Variants in SPRED1 observed in about 807,000 individuals in gnomAD.
SPRED1 encodes the protein sprouty related EVH1 domain containing 1, also known as sprouty-related, EVH1 domain-containing protein 1.
In SPRED1, 18 loss-of-function variants were observed where a neutral mutation model predicts 52.3. The observed-to-expected ratio is 0.34, with a 90% confidence interval of 0.24 to 0.51. The LOEUF (loss-of-function observed/expected upper bound fraction) is 0.51. SPRED1 is among the 20% of genes least tolerant of loss of function. SPRED1 has a pLI of 0.97. For missense variants in SPRED1, 485 were observed against 551.0 expected (o/e 0.88, Z 1.20); for synonymous variants, 155 against 179.7 (o/e 0.86, Z 1.10).
chr15:38,256,692 A>C (rs549661947), intron 1 of SPRED1, among the ~76,000 whole-genome samples: 2 of 152,284 alleles, frequency 1.3e-5, no homozygotes, highest in South Asian at 4.1e-4. Flanking sequence ...ATAGAAAGCA[A>C]ATTTTTATGG....
intron 1 of SPRED1, among the ~76,000 whole-genome samples, 189 bp from the exon 2 acceptor site, chr15:38,299,184 C>T (rs1253864525): frequency 2.0e-5 from 3 of 152,064 alleles, no homozygotes; most frequent in Non-Finnish European, 4.4e-5. Flanking sequence ...TAAAGGACAA[C>T]CTTAAAGTCT....
intron 1 of SPRED1, chr15:38,283,679 C>T (rs2140966697): frequency 5.1e-6 from 1 of 196,326 alleles, no homozygotes; most frequent in African/African-American, 2.4e-5. Context: ...TTTCCAGTCA[C>T]AGCAGAACTA....
At chr15:38,321,321 A>T (rs368119145) in intron 2 of SPRED1, among the ~76,000 whole-genome samples, 1 of 152,268 alleles carries the variant, frequency 6.6e-6, no homozygotes, top group South Asian at 2.1e-4. Context: ...TCAAAATAAA[A>T]AATTTAAAAA....
chr15:38,348,105 G>A (rs1021392972), intron 5 of SPRED1, among the ~76,000 whole-genome samples: 4 of 151,922 alleles, frequency 2.6e-5, no homozygotes, highest in African/African-American at 7.2e-5. Context: ...ATAGTTCTTA[G>A]AAATGTATAT....
At chr15:38,343,531 G>C (rs2177247) in intron 5 of SPRED1, among the ~76,000 whole-genome samples, 124,732 of 151,578 alleles carry the variant, frequency 0.82, 52,120 homozygotes, top group Non-Finnish European at 0.9. Context: ...TAACGAAATT[G>C]AAACTTGATT....
In SPRED1 at chr15:38,356,031, C is replaced by G. The variant is rs1888612207; in HGVS notation, c.*4367C>G. The G allele has an allele frequency of 6.6e-6, 1 of 152,114 alleles. No homozygotes were observed. Among genetic ancestry groups the G allele is most frequent in the Middle Eastern group, 3.2e-3 (1 of 316 alleles). 9.4% of individuals were successfully genotyped at this position (152,114 alleles called of 1,614,324 possible). A position where few individuals can be genotyped will look rare whatever the true frequency, so the allele number is the denominator to read the frequency against. On this transcript the variant is annotated 3_prime_UTR_variant, in exon 7 of 7. Coordinates refer to ENST00000299084, the MANE Select transcript of SPRED1 (RefSeq NM_152594.3). Reference sequence around the variant, plus strand: ...CACTGATAAATGTTAGCCATTATTCCTGAAAGCTTCTTAAATTGCATCAGT... The same window carrying G: ...CACTGATAAATGTTAGCCATTATTCGTGAAAGCTTCTTAAATTGCATCAGT...
intron 2 of SPRED1, among the ~76,000 whole-genome samples, chr15:38,306,923 G>A (rs1895261615): frequency 6.6e-6 from 1 of 152,044 alleles, no homozygotes; most frequent in Admixed American, 6.6e-5. Flanking sequence ...TGTAGTTACT[G>A]CTTTTCACTG....
chr15:38,350,839 G>T (rs992984515), intron 6 of SPRED1, among the ~76,000 whole-genome samples, 175 bp from the exon 7 acceptor site: 6 of 152,086 alleles, frequency 3.9e-5, no homozygotes, highest in African/African-American at 1.4e-4. Flanking sequence ...ACCACAGAAG[G>T]TACTGTGCTT....
intron 1 of SPRED1, among the ~76,000 whole-genome samples, chr15:38,287,773 A>G (rs1222404852): frequency 6.6e-6 from 1 of 152,178 alleles, no homozygotes; most frequent in Non-Finnish European, 1.5e-5. Context: ...GTATGCAAGT[A>G]TTTTGCCATT....
intron 1 of SPRED1, among the ~76,000 whole-genome samples, chr15:38,297,778 G>C (rs974876495): frequency 2.0e-5 from 3 of 152,152 alleles, no homozygotes; most frequent in African/African-American, 7.2e-5. Flanking sequence ...CTCATATAGT[G>C]CTTGTTATGT....
intron 5 of SPRED1, among the ~76,000 whole-genome samples, chr15:38,346,486 G>C (rs1279000324): frequency 6.6e-6 from 1 of 152,022 alleles, no homozygotes; most frequent in African/African-American, 2.4e-5. Context: ...ACATAAAAAA[G>C]AATGTATTCA....
intron 4 of SPRED1, among the ~76,000 whole-genome samples, chr15:38,327,867 AG>A (rs1895734837): frequency 6.6e-6 from 1 of 152,222 alleles, no homozygotes; most frequent in Non-Finnish European, 1.5e-5. Flanking sequence ...ACAAGCAGTA[AG>A]GGAAGTTTAA....
intron 1 of SPRED1, among the ~76,000 whole-genome samples, chr15:38,289,093 C>T (rs1446046226): frequency 2.6e-5 from 4 of 151,988 alleles, no homozygotes; most frequent in Non-Finnish European, 4.4e-5. Flanking sequence ...ACCTCTAAAC[C>T]AATGGAATTT....
intron 2 of SPRED1, among the ~76,000 whole-genome samples, chr15:38,320,484 G>A (rs1895579703): frequency 6.7e-6 from 1 of 150,220 alleles, no homozygotes; most frequent in Non-Finnish European, 1.5e-5. Flanking sequence ...CAGTAAAGTT[G>A]CTATTTTTTT....
At chr15:38,260,709 T>C (rs1894188062) in intron 1 of SPRED1, among the ~76,000 whole-genome samples, 1 of 152,216 alleles carries the variant, frequency 6.6e-6, no homozygotes, top group African/African-American at 2.4e-5. Flanking sequence ...TAATTTCTTT[T>C]GTAATACTGT....
intron 1 of SPRED1, among the ~76,000 whole-genome samples, chr15:38,257,936 A>G (rs1894132965): frequency 6.6e-6 from 1 of 152,204 alleles, no homozygotes; most frequent in African/African-American, 2.4e-5. Flanking sequence ...CTTGAACTTG[A>G]CTAGTCTTAC....
At chr15:38,285,978 T>C (rs935954431) in intron 1 of SPRED1, among the ~76,000 whole-genome samples, 1 of 152,156 alleles carries the variant, frequency 6.6e-6, no homozygotes, top group Non-Finnish European at 1.5e-5. Flanking sequence ...GTGTGGAGGC[T>C]CATGCCTATA....
intron 1 of SPRED1, among the ~76,000 whole-genome samples, chr15:38,293,373 C>T (rs1894965043): frequency 6.6e-6 from 1 of 152,070 alleles, no homozygotes; most frequent in African/African-American, 2.4e-5. Context: ...GCTGGGATTG[C>T]AGGAGTGAGC....
At position 38,356,201 on chromosome 15, in the gene SPRED1, A is replaced by G. The variant is rs1888616751; in HGVS notation, c.*4537A>G. ...AGTGCCTCACTTGTATATTATTTCC[A>G]TTAAAAGCTTGACTGCATTCTTTCT... is the stretch of plus-strand genomic sequence containing the variant. On this transcript the variant is annotated 3_prime_UTR_variant, in exon 7 of 7. Coordinates refer to ENST00000299084, the MANE Select transcript of SPRED1 (RefSeq NM_152594.3). 1 of 152,110 alleles carries G rather than the reference A, an allele frequency of 6.6e-6. No homozygotes were observed. The highest frequency in any genetic ancestry group is 6.5e-5 in the Admixed American group (1 of 15,278). The allele number at this position is 152,110 out of a possible 1,614,324, so 9.4% of individuals were successfully genotyped here.
Sources: gnomAD v4.1 joint callset for allele counts (sites outside exome capture counted in the v4.1 genomes callset) on GRCh38, gnomAD v4.1.1 for gene constraint, MANE v1.5 for transcripts, NCBI Gene and HGNC (gene_info 2026-07-23, HGNC 2026-07-21) for gene names.